The following ATAD2 variants were observed in gnomAD, a reference collection of about 807,000 sequenced individuals.
The protein encoded by ATAD2 is ATPase family AAA domain-containing protein 2.
ATAD2 carries 62 observed loss-of-function variants against 168.9 expected under a neutral mutation model. The observed-to-expected ratio is 0.37, with a 90% confidence interval of 0.30 to 0.45. The LOEUF (loss-of-function observed/expected upper bound fraction) is 0.45, where lower values mean the gene tolerates loss of function less well. ATAD2 is among the 20% of genes least tolerant of loss of function. The pLI is 1.00. For missense variants in ATAD2, 1,419 were observed against 1,667.8 expected (o/e 0.85, Z 2.60); for synonymous variants, 613 against 571.6 (o/e 1.07, Z -1.03).
intron 1 of ATAD2, among the ~76,000 whole-genome samples, chr8:123,381,961 G>A (rs191969918): frequency 4.5e-4 from 69 of 151,798 alleles, no homozygotes; most frequent in African/African-American, 1.5e-3. Context: ...CAAGAGAATC[G>A]CTTGAACCTA....
At chr8:123,396,039 C>T (rs754211291) in intron 1 of ATAD2, 148 bp downstream of exon 1, 2 of 952,212 alleles carry the variant, frequency 2.1e-6, no homozygotes, top group Non-Finnish European at 3.0e-6. Context: ...ATCCCGAGAG[C>T]TTCCATTTTA....
At chr8:123,354,490 A>G (rs1005449794) in intron 13 of ATAD2, among the ~76,000 whole-genome samples, 14 of 151,774 alleles carry the variant, frequency 9.2e-5, no homozygotes, top group African/African-American at 2.9e-4. Context: ...TGGATCACCT[A>G]AAGTCAGGAG....
intron 8 of ATAD2, 82 bp from the exon 9 acceptor site, chr8:123,361,728 A>G (rs1340285100): frequency 1.8e-6 from 2 of 1,090,798 alleles, no homozygotes; most frequent in Non-Finnish European, 2.7e-6. Flanking sequence ...AGAAATACCT[A>G]ATGCTCCAAA....
chr8:123,387,003 A>C (rs1446963165), intron 1 of ATAD2, among the ~76,000 whole-genome samples: 1 of 152,102 alleles, frequency 6.6e-6, no homozygotes, highest in Non-Finnish European at 1.5e-5. Context: ...GTTCTAACAA[A>C]AGCAATATAA....
Position 123,377,435 on chromosome 8 carries a change from C to T in ATAD2, c.320+3094G>A, listed in dbSNP as rs138747317. ...ATAAAGCCAAACAATGTTTTATAAA[C>T]TTGAATAATGTACAGATCCTTTTAA... On this transcript the variant is annotated intron_variant, in intron 2 of 27. Transcript: ENST00000287394. Among the ~76,000 whole-genome samples the T allele has an allele frequency of 8.0e-4, 122 of 152,148 alleles. 1 individual carries two copies. The highest frequency in any genetic ancestry group is 3.4e-3 in the Middle Eastern group (1 of 294).
intron 1 of ATAD2, among the ~76,000 whole-genome samples, chr8:123,414,442 A>C (rs534906331): frequency 6.6e-6 from 1 of 152,310 alleles, no homozygotes; most frequent in East Asian, 1.9e-4. Context: ...AGGTCAAGCA[A>C]GGGAAGTTAA....
chr8:123,412,088 A>G (rs993760675), intron 1 of ATAD2, among the ~76,000 whole-genome samples: 1 of 152,170 alleles, frequency 6.6e-6, no homozygotes, highest in African/African-American at 2.4e-5. Flanking sequence ...ACCAGTCAGA[A>G]TGCAATCAGC....
In ATAD2 at chr8:123,359,246, CAA is replaced by C. The variant is rs1331434046; in HGVS notation, c.1355_1356del (p.Phe452Ter). The C allele has an allele frequency of 6.3e-7, 1 of 1,593,232 alleles. No homozygotes were observed. The highest frequency in any genetic ancestry group is 8.5e-7 in the Non-Finnish European group (1 of 1,172,536). On this transcript the variant is annotated frameshift_variant, in exon 11 of 28. Transcript: ENST00000287394. LOFTEE classifies it high-confidence loss of function. ...VVFPLLYPEV[F>X]EKFKIQPPRG... The stretch of plus-strand genomic sequence containing the variant: ...CTTGGGGGTTGAATTTTAAATTTTT[CAA>C]AGACTTCTGGATAAAGTAATGGAAA...
chr8:123,411,823 A>C lies in ATAD2; in HGVS notation c.-2282+4425T>G, dbSNP rs139977380. On this transcript the variant is annotated intron_variant, in intron 1 of 28. Transcript: ENST00000521903. ...AATTCCTGCTTATAATAGAAAGTTT[A>C]GAAACAGAAAAAAAAAAGCACAATA... 5.3e-5 allele frequency among the ~76,000 whole-genome samples: 8 copies of C among 152,126 alleles called. No homozygotes were observed. In the East Asian group the frequency reaches 1.5e-3, roughly 29 times the overall value.
chr8:123,407,481 C>G (rs541221298), intron 1 of ATAD2, among the ~76,000 whole-genome samples: 1 of 151,946 alleles, frequency 6.6e-6, no homozygotes, highest in Non-Finnish European at 1.5e-5. Flanking sequence ...CCCAGCACTT[C>G]GGGAGGCTGA....
chr8:123,369,941 C>T lies in ATAD2; in HGVS notation c.811G>A (p.Asp271Asn). 6.3e-7 allele frequency: 1 copy of T among 1,574,988 alleles called. No homozygotes were observed. The highest frequency in any genetic ancestry group is 8.7e-7 in the Non-Finnish European group (1 of 1,148,910). ...TCTTCATCATCATCATCATCATCAT[C>T]ATCGTCATCATCATCATCATCTTCA... ...DDEDDDDDDD[D>N]DDDDDDEDDE... The change falls in exon 7 of 28, where the codon GAT becomes AAT. Residue 271 changes from aspartate (D) to asparagine (N), a missense_variant. Asp to Asn is a conservative substitution (Grantham distance 23). This residue lies in a region of ATAD2 where 419 missense variants were observed against 423.5 expected (regional missense o/e 0.99). Coordinates refer to ENST00000287394, the MANE Select transcript of ATAD2 (RefSeq NM_014109.4).
chr8:123,388,592 C>T (rs1829713379), intron 1 of ATAD2, among the ~76,000 whole-genome samples: 1 of 152,102 alleles, frequency 6.6e-6, no homozygotes, highest in South Asian at 2.1e-4. Context: ...CCACATTGCC[C>T]AGGCTGGTCT....
At chr8:123,363,088 A>G (rs1563851376) in intron 8 of ATAD2, among the ~76,000 whole-genome samples, 1 of 152,214 alleles carries the variant, frequency 6.6e-6, no homozygotes, top group Non-Finnish European at 1.5e-5. Flanking sequence ...TAATTATTCT[A>G]CTTGCTCAGG....
intron 15 of ATAD2, 62 bp from the exon 16 acceptor site, chr8:123,347,468 T>A: frequency 7.1e-7 from 1 of 1,412,486 alleles, no homozygotes; most frequent in Non-Finnish European, 9.6e-7. Context: ...CACAAAACTC[T>A]ATTAGCATGA....
intron 1 of ATAD2, among the ~76,000 whole-genome samples, chr8:123,411,693 C>T (rs374793911): frequency 6.6e-6 from 1 of 152,162 alleles, no homozygotes; most frequent in East Asian, 1.9e-4. Context: ...ACGGCAACCC[C>T]CTTTGGGTCC....
At chr8:123,381,212 T>C (rs952659221) in intron 1 of ATAD2, among the ~76,000 whole-genome samples, 1 of 152,176 alleles carries the variant, frequency 6.6e-6, no homozygotes, top group Admixed American at 6.6e-5. Context: ...AAAAACTGTT[T>C]AGGGCCCGGG....
chr8:123,381,594 T>C (rs1464370197), intron 1 of ATAD2, among the ~76,000 whole-genome samples: 1 of 152,190 alleles, frequency 6.6e-6, no homozygotes, highest in East Asian at 1.9e-4. Context: ...TTTAGTACAA[T>C]AAATAGACTA....
intron 18 of ATAD2, 102 bp from the exon 19 acceptor site, chr8:123,345,171 A>G (rs1279758846): frequency 2.9e-6 from 3 of 1,040,156 alleles, no homozygotes; most frequent in Non-Finnish European, 4.0e-6. Context: ...AGTAACATAT[A>G]AAGTCCTCAA....
intron 19 of ATAD2, 194 bp downstream of exon 19, chr8:123,344,686 TAATA>T: frequency 1.7e-6 from 1 of 579,172 alleles, no homozygotes; most frequent in Non-Finnish European, 3.0e-6. Context: ...TATGTATCCT[TAATA>T]TATACATACA....
Sources: gnomAD v4.1 joint callset for allele counts (sites outside exome capture counted in the v4.1 genomes callset) on GRCh38, gnomAD v4.1.1 for gene constraint, gnomAD v4.1.1 regional missense constraint, MANE v1.5 for transcripts, NCBI Gene and HGNC (gene_info 2026-07-23, HGNC 2026-07-21) for gene names.